Variants in PCDHA4 observed in about 807,000 individuals in gnomAD.
PCDHA4 encodes protocadherin alpha-4.
Under a neutral mutation model 61.4 loss-of-function variants are expected in PCDHA4, and 49 were observed. The observed-to-expected ratio is 0.80, with a 90% CI of 0.63 to 1.01. PCDHA4 has a LOEUF of 1.01. PCDHA4 is among the 50% of genes least tolerant of loss of function. The pLI is 0.00. For missense variants in PCDHA4, 1,254 were observed against 1,235.8 expected (o/e 1.01, Z -0.22); for synonymous variants, 590 against 550.3 (o/e 1.07, Z -1.01).
At chr5:140,970,152 A>G (rs899776182) in intron 1 of PCDHA4, among the ~76,000 whole-genome samples, 22 of 152,224 alleles carry the variant, frequency 1.4e-4, no homozygotes, top group Non-Finnish European at 2.5e-4. Flanking sequence ...AATTCTCCCA[A>G]TAGTCACCTT....
chr5:140,928,557 C>G lies in PCDHA4; in HGVS notation c.2386-50392C>G, dbSNP rs556688707. 7 of 1,614,238 alleles carry G rather than the reference C, an allele frequency of 4.3e-6. 1 individual carries two copies. The East Asian group carries it at 1.6e-4, about 36-fold the overall frequency. On this transcript the variant is annotated intron_variant, in intron 1 of 3. Coordinates refer to ENST00000530339, the MANE Select transcript of PCDHA4 (RefSeq NM_018907.4). ...ATAGGAATGACAATTATCCGGTTAT[C>G]TTGTTTCCCTTGCCCAGAAATGGTT...
intron 1 of PCDHA4, chr5:140,881,433 T>A (rs1554172102): frequency 1.1e-6 from 1 of 872,990 alleles, no homozygotes; most frequent in African/African-American, 1.8e-5. Context: ...AGGCATATTT[T>A]ATAAAAACAG....
intron 1 of PCDHA4, chr5:140,870,383 G>C: frequency 6.2e-7 from 1 of 1,614,242 alleles, no homozygotes; most frequent in South Asian, 1.1e-5. Flanking sequence ...GTGACTGCGC[G>C]GGATGGGGGT....
chr5:140,808,051 T>A lies in PCDHA4; in HGVS notation c.864T>A (p.Asn288Lys). The A allele has an allele frequency of 6.2e-7, 1 of 1,614,058 alleles. No individual in the cohort carries two copies. Among genetic ancestry groups the A allele is most frequent in the Middle Eastern group, 1.6e-4 (1 of 6,062 alleles). ...VYSFSNDISP[N>K]VKSKFHIDPI... is the part of the protein sequence containing the mutation. ...CATTCTCAAATGATATTTCGCCAAA[T>A]GTGAAATCCAAGTTTCACATAGATC... Residue 288 changes from asparagine (N) to lysine (K), a missense_variant, in exon 1 of 4, where the codon AAT becomes AAA. Coordinates refer to ENST00000530339, the MANE Select transcript of PCDHA4 (RefSeq NM_018907.4).
chr5:140,963,483 T>C (rs1228943699), intron 1 of PCDHA4, among the ~76,000 whole-genome samples: 1 of 152,246 alleles, frequency 6.6e-6, no homozygotes, highest in Non-Finnish European at 1.5e-5. Flanking sequence ...GGTAAATCTC[T>C]TGTGAGGAAA....
chr5:140,897,769 C>T (rs1441051679), intron 1 of PCDHA4, among the ~76,000 whole-genome samples: 2 of 152,198 alleles, frequency 1.3e-5, no homozygotes, highest in Non-Finnish European at 2.9e-5. Flanking sequence ...GCCACACTGA[C>T]TTCCACAATG....
chr5:140,956,775 C>T (rs1176979643), intron 1 of PCDHA4, among the ~76,000 whole-genome samples: 1 of 152,112 alleles, frequency 6.6e-6, no homozygotes, highest in Non-Finnish European at 1.5e-5. Context: ...CTGTCTGGTC[C>T]TGGGCTTTGT....
At chr5:140,977,865 G>C (rs2096778412) in intron 1 of PCDHA4, among the ~76,000 whole-genome samples, 4 of 152,172 alleles carry the variant, frequency 2.6e-5, no homozygotes, top group Non-Finnish European at 5.9e-5. Flanking sequence ...ACCAAATATG[G>C]TAAGTATAAT....
At chr5:140,942,916 A>G (rs2093393160) in intron 1 of PCDHA4, among the ~76,000 whole-genome samples, 1 of 152,158 alleles carries the variant, frequency 6.6e-6, no homozygotes, top group Non-Finnish European at 1.5e-5. Context: ...GCGTGAAGAA[A>G]AAAAAAATTG....
rs190555934 is a variant in PCDHA4 at position 140,905,437 on chromosome 5, C to G, written c.2386-73512C>G. Among the ~76,000 whole-genome samples the G allele has an allele frequency of 2.8e-3, 421 of 152,248 alleles. 2 individuals carry two copies. The highest frequency in any genetic ancestry group is 0.014 in the Middle Eastern group (4 of 294). On this transcript the variant is annotated intron_variant, in intron 1 of 3. Coordinates refer to ENST00000530339, the MANE Select transcript of PCDHA4 (RefSeq NM_018907.4). ...TACCATGCTGGTTTGATAACTACAG[C>G]CTTTTAGTATAATTTAAAGTCAGGT...
At chr5:140,998,014 C>T (rs1554256135) in intron 3 of PCDHA4, among the ~76,000 whole-genome samples, 1 of 152,162 alleles carries the variant, frequency 6.6e-6, no homozygotes, top group Non-Finnish European at 1.5e-5. Context: ...TCCATCCCCA[C>T]CTCGAGCTAG....
At chr5:140,884,119 C>T (rs782009154) in intron 1 of PCDHA4, 1 of 1,613,310 alleles carries the variant, frequency 6.2e-7, no homozygotes. Context: ...CGGCGGTCGG[C>T]GCGCGCATCC....
At chr5:140,928,139 C>T in intron 1 of PCDHA4, 2 of 1,614,174 alleles carry the variant, frequency 1.2e-6, no homozygotes, top group Non-Finnish European at 8.5e-7. Flanking sequence ...GTCCTGATCA[C>T]GGCCTCAGAT....
At chr5:140,959,494 T>G (rs2153722388) in intron 1 of PCDHA4, among the ~76,000 whole-genome samples, 1 of 152,286 alleles carries the variant, frequency 6.6e-6, no homozygotes, top group South Asian at 2.1e-4. Flanking sequence ...TATATATGGA[T>G]CAAACTAAAA....
rs572471986 is a variant in PCDHA4, at chr5:140,873,263, A to T, written c.2385+63691A>T. The stretch of plus-strand genomic sequence containing the variant: ...ATAAAATATTTCAGACTCAAAAGTG[A>T]TTAAACCATCATACCACTTATGAAA... On this transcript the variant is annotated intron_variant, in intron 1 of 3. Coordinates refer to ENST00000530339, the MANE Select transcript of PCDHA4 (RefSeq NM_018907.4). Among the ~76,000 whole-genome samples, 8 of 152,356 alleles carry T rather than the reference A, an allele frequency of 5.3e-5. 1 individual carries two copies. Among genetic ancestry groups the T allele is most frequent in the Middle Eastern group, 6.8e-3 (2 of 294 alleles).
At chr5:140,810,456 A>G (rs1372251098) in intron 1 of PCDHA4, 2 of 152,252 alleles carry the variant, frequency 1.3e-5, no homozygotes, top group Non-Finnish European at 2.9e-5. Flanking sequence ...CTAGTAGTGC[A>G]TAAGGCTTTC....
At chr5:140,889,835 C>A (rs899287696) in intron 1 of PCDHA4, among the ~76,000 whole-genome samples, 10 of 152,080 alleles carry the variant, frequency 6.6e-5, no homozygotes, top group African/African-American at 2.2e-4. Context: ...TTACAGTATG[C>A]TTTGGTCTCT....
intron 1 of PCDHA4, among the ~76,000 whole-genome samples, chr5:140,888,562 G>T (rs781854673): frequency 6.6e-6 from 1 of 152,112 alleles, no homozygotes; most frequent in East Asian, 1.9e-4. Flanking sequence ...TCCTTTCAAG[G>T]CTTCATTTTA....
chr5:141,011,237 A>G lies in PCDHA4; in HGVS notation c.*1300A>G, dbSNP rs562746586. Reference sequence around the variant, plus strand: ...GATTTTTCAATCTACTAATTCTGTGACTTGTCTTGGTGTGCTAGCCTACAC... The same window carrying G: ...GATTTTTCAATCTACTAATTCTGTGGCTTGTCTTGGTGTGCTAGCCTACAC... On this transcript the variant is annotated 3_prime_UTR_variant, in exon 4 of 4. Transcript: ENST00000530339. The G allele has an allele frequency of 6.5e-6, 1 of 153,754 alleles. No homozygotes were observed. Among genetic ancestry groups the G allele is most frequent in the South Asian group, 2.1e-4 (1 of 4,812 alleles). The allele number at this position is 153,754 out of a possible 1,614,324, so 9.5% of individuals were successfully genotyped here.
Sources: gnomAD v4.1 joint callset for allele counts (sites outside exome capture counted in the v4.1 genomes callset) on GRCh38, gnomAD v4.1.1 for gene constraint, MANE v1.5 for transcripts, NCBI Gene and HGNC (gene_info 2026-07-23, HGNC 2026-07-21) for gene names.